RIMS1: variants seen among roughly 807,000 people sequenced by gnomAD.
The protein encoded by RIMS1 is regulating synaptic membrane exocytosis 1.
In RIMS1, 83 loss-of-function variants were observed where a neutral mutation model predicts 214.1. The observed-to-expected ratio is 0.39, with a 90% CI of 0.32 to 0.47. RIMS1 has a LOEUF of 0.47. RIMS1 is among the 20% of genes least tolerant of loss of function. The probability of loss-of-function intolerance (pLI) is 0.99; values close to 1 mark genes in which losing one functional copy is unlikely to be tolerated. For missense variants in RIMS1, 2,050 were observed against 2,161.8 expected (o/e 0.95, Z 1.03); for synonymous variants, 793 against 786.8 (o/e 1.01, Z -0.13).
intron 6 of RIMS1, among the ~76,000 whole-genome samples, chr6:72,233,083 A>G (rs1413546304): frequency 6.6e-6 from 1 of 151,806 alleles, no homozygotes; most frequent in Non-Finnish European, 1.5e-5. Flanking sequence ...TCCTATACAA[A>G]TACTGAAAGC....
At chr6:72,284,673 C>G (rs1392923486) in intron 24 of RIMS1, among the ~76,000 whole-genome samples, 2 of 100,548 alleles carry the variant, frequency 2.0e-5, no homozygotes, top group African/African-American at 7.5e-5. Flanking sequence ...TTTTTAGGTA[C>G]AACATATTGA....
rs1294596266 is a variant in RIMS1 at position 72,375,158 on chromosome 6, C to CCTG, written c.4367-15437_4367-15435dup. 6.6e-5 allele frequency among the ~76,000 whole-genome samples: 10 copies of CCTG among 152,266 alleles called. 1 individual carries two copies. In the South Asian group the frequency reaches 1.9e-3, roughly 28 times the overall value. On this transcript the variant is annotated intron_variant, in intron 29 of 33. Coordinates refer to ENST00000521978, the MANE Select transcript of RIMS1 (RefSeq NM_014989.7). ...GTCCATGACCCTGAGGTTGGGGACC[C>CCTG]CTGCTTTAAAAGGACTAGCCAGTCA...
chr6:71,908,953 C>T (rs1776102433), intron 1 of RIMS1, among the ~76,000 whole-genome samples: 1 of 152,032 alleles, frequency 6.6e-6, no homozygotes, highest in African/African-American at 2.4e-5. Flanking sequence ...TTCTTGATTT[C>T]CTCATATATC....
intron 4 of RIMS1, among the ~76,000 whole-genome samples, chr6:72,168,729 T>G (rs2046619105): frequency 1.3e-5 from 2 of 150,860 alleles, no homozygotes; most frequent in South Asian, 2.1e-4. Flanking sequence ...GGGTTTTTTT[T>G]TTTTTTTTTT....
intron 2 of RIMS1, among the ~76,000 whole-genome samples, chr6:72,005,198 T>C (rs2151777644): frequency 6.6e-6 from 1 of 152,336 alleles, no homozygotes; most frequent in South Asian, 2.1e-4. Context: ...CGGCGTTATT[T>C]CTGAGGGCTC....
At chr6:72,017,414 C>T (rs1332802154) in intron 2 of RIMS1, among the ~76,000 whole-genome samples, 2 of 152,140 alleles carry the variant, frequency 1.3e-5, no homozygotes, top group African/African-American at 4.8e-5. Context: ...GTAGATGTGA[C>T]TCTTTCCATT....
intron 4 of RIMS1, among the ~76,000 whole-genome samples, chr6:72,111,974 T>G (rs1366317034): frequency 6.6e-6 from 1 of 152,166 alleles, no homozygotes; most frequent in Non-Finnish European, 1.5e-5. Context: ...CCAAAGAGGC[T>G]TCAGCCTGGT....
intron 29 of RIMS1, among the ~76,000 whole-genome samples, chr6:72,386,350 C>G (rs1158238831): frequency 6.6e-6 from 1 of 152,226 alleles, no homozygotes; most frequent in African/African-American, 2.4e-5. Context: ...CTGCACTTCA[C>G]CGTCATCTGG....
chr6:72,289,032 A>G (rs746182665), intron 24 of RIMS1, among the ~76,000 whole-genome samples: 7 of 152,194 alleles, frequency 4.6e-5, no homozygotes, highest in Non-Finnish European at 8.8e-5. Flanking sequence ...TGCTCCTGAA[A>G]TTGCTTTTTA....
intron 2 of RIMS1, among the ~76,000 whole-genome samples, chr6:71,978,862 G>T (rs72929584): frequency 6.6e-6 from 1 of 151,930 alleles, no homozygotes; most frequent in African/African-American, 2.4e-5. Context: ...AAATGTTTTC[G>T]CATTTTAGAA....
chr6:72,109,719 G>C (rs868610534), intron 4 of RIMS1, among the ~76,000 whole-genome samples: 21 of 152,242 alleles, frequency 1.4e-4, no homozygotes, highest in African/African-American at 4.8e-4. Context: ...GATCCCATTT[G>C]TCAATTTTGG....
intron 4 of RIMS1, among the ~76,000 whole-genome samples, chr6:72,159,839 G>A (rs1421446309): frequency 7.1e-6 from 1 of 139,928 alleles, no homozygotes; most frequent in Admixed American, 7.3e-5. Flanking sequence ...CTCCAGCTTT[G>A]TTCTTTTGGC....
chr6:72,250,243 C>A, intron 12 of RIMS1, 87 bp from the exon 13 acceptor site: 2 of 1,271,478 alleles, frequency 1.6e-6, no homozygotes, highest in African/African-American at 1.5e-5. Flanking sequence ...AAAATTTCCT[C>A]ATTTAAATAT....
chr6:72,213,287 C>A, intron 6 of RIMS1: 1 of 1,336,052 alleles, frequency 7.5e-7, no homozygotes, highest in Non-Finnish European at 1.0e-6. Context: ...CTATATTTAA[C>A]ACTCCCTCTG....
chr6:72,390,065 G>A (rs1270254111), intron 29 of RIMS1, among the ~76,000 whole-genome samples: 1 of 152,142 alleles, frequency 6.6e-6, no homozygotes, highest in Non-Finnish European at 1.5e-5. Flanking sequence ...ATTATATAGT[G>A]TATGTTAAAG....
At chr6:72,033,299 G>C (rs1818667385) in intron 2 of RIMS1, among the ~76,000 whole-genome samples, 1 of 152,188 alleles carries the variant, frequency 6.6e-6, no homozygotes, top group African/African-American at 2.4e-5. Flanking sequence ...GCAGTGTGGG[G>C]TTATGCGTGG....
rs148963031 is a variant in RIMS1, at chr6:72,345,165, T to C, written c.4366+11330T>C. On this transcript the variant is annotated intron_variant, in intron 29 of 33. Coordinates refer to ENST00000521978, the MANE Select transcript of RIMS1 (RefSeq NM_014989.7). ...TTTTAAGATGACCAATTTTAATACATCCTTATTTAATTCAGAGTGTTTTTT... is the reference window on the plus strand; with the variant it reads ...TTTTAAGATGACCAATTTTAATACACCCTTATTTAATTCAGAGTGTTTTTT... Among the ~76,000 whole-genome samples, 705 of 151,896 alleles carry C rather than the reference T, an allele frequency of 4.6e-3. 5 individuals carry two copies. Among genetic ancestry groups the C allele is most frequent in the African/African-American group, 0.016 (650 of 41,512 alleles).
intron 2 of RIMS1, among the ~76,000 whole-genome samples, chr6:72,006,630 A>G (rs572455081): frequency 2.6e-5 from 4 of 152,340 alleles, no homozygotes; most frequent in African/African-American, 7.2e-5. Flanking sequence ...CCACCCTAAC[A>G]CTGCGCTTTT....
At chr6:72,381,918 T>C (rs1340944211) in intron 29 of RIMS1, among the ~76,000 whole-genome samples, 1 of 152,236 alleles carries the variant, frequency 6.6e-6, no homozygotes, top group Non-Finnish European at 1.5e-5. Flanking sequence ...AAACATTTTA[T>C]ATCTTTTGGG....
Sources: gnomAD v4.1 joint callset for allele counts (sites outside exome capture counted in the v4.1 genomes callset) on GRCh38, gnomAD v4.1.1 for gene constraint, MANE v1.5 for transcripts, NCBI Gene and HGNC (gene_info 2026-07-23, HGNC 2026-07-21) for gene names.